The following FGF14 variants were observed in gnomAD, a reference collection of about 807,000 sequenced individuals.
FGF14 encodes fibroblast growth factor 14, also known as fibroblast growth factor homologous factor 4.
A neutral mutation model predicts 25.5 loss-of-function variants in FGF14; 5 were observed. The observed-to-expected ratio is 0.20, with a 90% CI of 0.10 to 0.41. FGF14 has a LOEUF of 0.41. Ranked by LOEUF, FGF14 falls within the 10% of genes least tolerant of loss-of-function variation. FGF14 has a pLI of 1.00. For missense variants in FGF14, 222 were observed against 320.1 expected (o/e 0.69, Z 2.34); for synonymous variants, 138 against 118.3 (o/e 1.17, Z -1.08).
rs71125054 is a variant in FGF14, at chr13:102,188,946, GAGAAAGAAAGAAAGAAAGAAAGAA to G, written c.208+212501_208+212524del. Among the ~76,000 whole-genome samples, 15 of 90,914 alleles carry G rather than the reference GAGAAAGAAAGAAAGAAAGAAAGAA, an allele frequency of 1.6e-4. 1 individual carries two copies. Among genetic ancestry groups the G allele is most frequent in the South Asian group, 8.5e-4 (2 of 2,364 alleles). 59.6% of individuals were successfully genotyped at this position (90,914 alleles called of 152,430 possible). A position where few individuals can be genotyped will look rare whatever the true frequency, so the allele number is the denominator to read the frequency against. Reference sequence around the variant, plus strand: ...ACAGAGTGAGAAAAAAAAGAAAGGAGAGAAAGAAAGAAAGAAAGAAAGAAAGAAAGAAAGAAAGAAAGAAAGAAA... The same window carrying G: ...ACAGAGTGAGAAAAAAAAGAAAGGAGAGAAAGAAAGAAAGAAAGAAAGAAA... On this transcript the variant is annotated intron_variant, in intron 1 of 4. Coordinates refer to the FGF14 transcript ENST00000376131.
chr13:102,066,817 C>G lies in FGF14; in HGVS notation c.209-191521G>C, dbSNP rs79110766. On this transcript the variant is annotated intron_variant, in intron 1 of 4. Coordinates refer to the FGF14 transcript ENST00000376131. ...GTCTCCTCTTAAAACAAGAGCTCCC[C>G]CCTTTGTACCTAGGCTGTCCATGAA... Among the ~76,000 whole-genome samples the G allele has an allele frequency of 3.5e-3, 531 of 152,270 alleles. 8 individuals are homozygous for G. The highest frequency in any genetic ancestry group is 0.029 in the Admixed American group (446 of 15,294).
chr13:101,829,516 A>T (rs1243828981), intron 3 of FGF14, among the ~76,000 whole-genome samples: 2 of 152,088 alleles, frequency 1.3e-5, no homozygotes, highest in Non-Finnish European at 2.9e-5. Flanking sequence ...ATTGCCAATC[A>T]GTCTTTAAAG....
At chr13:101,894,351 T>G (rs1005478962) in intron 1 of FGF14, among the ~76,000 whole-genome samples, 24 of 152,132 alleles carry the variant, frequency 1.6e-4, no homozygotes, top group African/African-American at 5.3e-4. Flanking sequence ...TGCTTCTAAT[T>G]GAAGAAACAC....
chr13:101,776,696 T>C (rs889818174), intron 3 of FGF14, among the ~76,000 whole-genome samples: 6 of 152,208 alleles, frequency 3.9e-5, no homozygotes, highest in Non-Finnish European at 8.8e-5. Flanking sequence ...GCATGTTCTA[T>C]AGCTACTCTT....
chr13:101,763,688 C>T (rs138825232), intron 3 of FGF14, among the ~76,000 whole-genome samples: 273 of 152,152 alleles, frequency 1.8e-3, no homozygotes, highest in African/African-American at 6.2e-3. Flanking sequence ...GGTGAAACCC[C>T]ATCTCTAGTG....
chr13:101,933,163 T>G (rs2034879869), intron 1 of FGF14, among the ~76,000 whole-genome samples: 2 of 152,354 alleles, frequency 1.3e-5, no homozygotes, highest in Admixed American at 1.3e-4. Flanking sequence ...TTAACTATTT[T>G]TATCCGTCAA....
chr13:101,877,953 C>T (rs887805457), intron 1 of FGF14, among the ~76,000 whole-genome samples: 18 of 152,152 alleles, frequency 1.2e-4, no homozygotes, highest in African/African-American at 4.3e-4. Flanking sequence ...TCTATTTTCA[C>T]TGCCAGCCCC....
intron 1 of FGF14, among the ~76,000 whole-genome samples, chr13:102,183,873 A>G (rs1394617265): frequency 6.6e-6 from 1 of 152,156 alleles, no homozygotes; most frequent in African/African-American, 2.4e-5. Flanking sequence ...TAAAATAAGA[A>G]CCATCGCATA....
chr13:102,267,992 TAAG>T (rs1302719449), intron 1 of FGF14, among the ~76,000 whole-genome samples: 3 of 151,988 alleles, frequency 2.0e-5, no homozygotes, highest in African/African-American at 7.2e-5. Flanking sequence ...TATAAATAGA[TAAG>T]AAGGAAACAA....
chr13:101,721,804 A>T lies in FGF14; in HGVS notation c.*1027T>A, dbSNP rs2035010217. 1 of 151,720 alleles carries T rather than the reference A, an allele frequency of 6.6e-6. No individual in the cohort carries two copies. Among genetic ancestry groups the T allele is most frequent in the Admixed American group, 6.6e-5 (1 of 15,226 alleles). The allele number at this position is 151,720 out of a possible 1,614,324, so 9.4% of individuals were successfully genotyped here. On this transcript the variant is annotated 3_prime_UTR_variant, in exon 5 of 5. Transcript: ENST00000376143. ...GTTCATTAAAAACAGGACGGAGTAT[A>T]TCTGAAATGGATTTAGGTAGCGCAA...
intron 1 of FGF14, among the ~76,000 whole-genome samples, chr13:102,041,321 TATAGA>T (rs1348918581): frequency 3.3e-5 from 5 of 152,096 alleles, no homozygotes; most frequent in Non-Finnish European, 7.4e-5. Context: ...GTTGTAAAGT[TATAGA>T]ATAAACTTTA....
chr13:101,980,613 G>T (rs980181011), intron 1 of FGF14, among the ~76,000 whole-genome samples: 1 of 152,098 alleles, frequency 6.6e-6, no homozygotes, highest in Non-Finnish European at 1.5e-5. Context: ...ATCTCTTATG[G>T]GTTCCGCAAT....
intron 1 of FGF14, among the ~76,000 whole-genome samples, chr13:102,084,378 G>T (rs557060333): frequency 1.3e-5 from 2 of 152,254 alleles, no homozygotes; most frequent in South Asian, 4.1e-4. Context: ...CTAGTTACTG[G>T]TAAATATTTG....
At chr13:102,044,484 T>A (rs2041891083) in intron 1 of FGF14, among the ~76,000 whole-genome samples, 1 of 152,138 alleles carries the variant, frequency 6.6e-6, no homozygotes, top group African/African-American at 2.4e-5. Flanking sequence ...GGCAACTATT[T>A]GCCAGATCAT....
In FGF14 at chr13:102,303,051, C is replaced by A. The variant is rs548840273; in HGVS notation, c.208+98420G>T. ...GAAGAACATCCTGCTTCTCTGACAT[C>A]ATCTCCTACCACTTTCTCCCCGACT... On this transcript the variant is annotated intron_variant, in intron 1 of 4. Transcript: ENST00000376131. Among the ~76,000 whole-genome samples, 5 of 152,286 alleles carry A rather than the reference C, an allele frequency of 3.3e-5. No homozygotes were observed. The South Asian group carries it at 8.3e-4, about 25-fold the overall frequency.
chr13:102,110,220 T>C (rs2045149503), intron 1 of FGF14, among the ~76,000 whole-genome samples: 1 of 152,198 alleles, frequency 6.6e-6, no homozygotes, highest in South Asian at 2.1e-4. Flanking sequence ...AAATGACATT[T>C]AATGGAATGT....
intron 1 of FGF14, among the ~76,000 whole-genome samples, chr13:102,269,114 G>A (rs899721480): frequency 2.6e-5 from 4 of 152,310 alleles, no homozygotes; most frequent in East Asian, 1.9e-4. Flanking sequence ...GGCAGTGAAT[G>A]ACTTGTTTGG....
intron 1 of FGF14, among the ~76,000 whole-genome samples, chr13:101,961,646 G>A (rs1413188706): frequency 6.6e-6 from 1 of 152,106 alleles, no homozygotes; most frequent in African/African-American, 2.4e-5. Context: ...TGAATCATGG[G>A]GACGGTTACC....
intron 2 of FGF14, among the ~76,000 whole-genome samples, chr13:101,870,967 AATAAATAAATACATACATAC>A (rs1394330503): frequency 2.0e-5 from 3 of 147,360 alleles, no homozygotes; most frequent in African/African-American, 7.3e-5. Flanking sequence ...TAAATAAATA[AATAAATAAATACATACATAC>A]ATACATACAT....
Sources: gnomAD v4.1 joint callset for allele counts (sites outside exome capture counted in the v4.1 genomes callset) on GRCh38, gnomAD v4.1.1 for gene constraint, MANE v1.5 for transcripts, NCBI Gene and HGNC (gene_info 2026-07-23, HGNC 2026-07-21) for gene names.